MFHAS1: variants seen among roughly 807,000 people sequenced by gnomAD.
MFHAS1 encodes the protein multifunctional ROCO family signaling regulator 1.
Under a neutral mutation model 70.4 loss-of-function variants are expected in MFHAS1, and 50 were observed. That is an observed-to-expected ratio of 0.71 (90% CI 0.57 to 0.90). MFHAS1 has a LOEUF of 0.90. Among genes scored for constraint, MFHAS1 ranks in the 40% least tolerant of loss-of-function variants. The pLI is 0.00. For synonymous variants in MFHAS1, 952 were observed against 620.0 expected, an observed-to-expected ratio of 1.54 and a Z score of -7.96; for missense variants, 1,795 against 1,347.6, an observed-to-expected ratio of 1.33 and a Z score of -5.20.
intron 1 of MFHAS1, among the ~76,000 whole-genome samples, chr8:8,802,057 C>T (rs771043113): frequency 3.9e-4 from 59 of 152,110 alleles, no homozygotes; most frequent in Non-Finnish European, 7.6e-4. Context: ...TAAGTTAATC[C>T]AGGAAGAAGA....
intron 1 of MFHAS1, among the ~76,000 whole-genome samples, chr8:8,833,553 C>G (rs1356212087): frequency 1.3e-5 from 2 of 152,056 alleles, no homozygotes; most frequent in Admixed American, 1.3e-4. Context: ...TGCTTGAAAC[C>G]AGGAGTTCAA....
chr8:8,854,416 G>C (rs934690804), intron 1 of MFHAS1, among the ~76,000 whole-genome samples: 1 of 152,122 alleles, frequency 6.6e-6, no homozygotes, highest in Non-Finnish European at 1.5e-5. Context: ...AGCTACTCCG[G>C]AGGCTGAGGC....
At chr8:8,885,980 G>T in intron 1 of MFHAS1, among the ~76,000 whole-genome samples, 1 of 152,168 alleles carries the variant, frequency 6.6e-6, no homozygotes, top group Admixed American at 6.5e-5. Context: ...TGACATTTAG[G>T]CTTCATCATA....
intron 1 of MFHAS1, among the ~76,000 whole-genome samples, chr8:8,806,021 G>A (rs1563181959): frequency 6.6e-6 from 1 of 152,008 alleles, no homozygotes; most frequent in Non-Finnish European, 1.5e-5. Context: ...TGTTTGTTTT[G>A]TTTTGTTTTA....
chr8:8,834,974 T>G (rs528192324), intron 1 of MFHAS1, among the ~76,000 whole-genome samples: 1 of 152,266 alleles, frequency 6.6e-6, no homozygotes, highest in Admixed American at 6.5e-5. Context: ...CCCTTTTAAC[T>G]TTCAACACCA....
At chr8:8,882,881 G>A (rs532146938) in intron 1 of MFHAS1, among the ~76,000 whole-genome samples, 29 of 152,256 alleles carry the variant, frequency 1.9e-4, no homozygotes, top group African/African-American at 6.0e-4. Context: ...GGCTGGGTGC[G>A]GTGGCTCATG....
chr8:8,865,333 A>T (rs188638146), intron 1 of MFHAS1, among the ~76,000 whole-genome samples: 2 of 152,090 alleles, frequency 1.3e-5, no homozygotes, highest in Non-Finnish European at 2.9e-5. Flanking sequence ...ACAGGCTGAG[A>T]AATTATTTCC....
At chr8:8,818,976 CAT>C (rs770715887) in intron 1 of MFHAS1, among the ~76,000 whole-genome samples, 16 of 152,252 alleles carry the variant, frequency 1.1e-4, no homozygotes, top group East Asian at 3.9e-4. Flanking sequence ...GATATACTAA[CAT>C]GTGTCAAAGA....
intron 1 of MFHAS1, among the ~76,000 whole-genome samples, chr8:8,826,306 TCTC>T (rs374624974): frequency 1.3e-3 from 195 of 151,300 alleles, no homozygotes; most frequent in South Asian, 2.3e-3. Context: ...CAATATCCCT[TCTC>T]CTCTTCTTCC....
intron 1 of MFHAS1, among the ~76,000 whole-genome samples, chr8:8,868,141 G>T (rs1203340256): frequency 6.6e-6 from 1 of 151,998 alleles, no homozygotes; most frequent in East Asian, 1.9e-4. Context: ...CTCTGAGGGG[G>T]ATTCAGTTGA....
Position 8,783,840 on chromosome 8 carries a change from G to T in MFHAS1, c.*2182C>A, listed in dbSNP as rs893294681. On this transcript the variant is annotated 3_prime_UTR_variant, in exon 3 of 3. Transcript: ENST00000276282. ...AGTCCTGTAGAGCAGAGTGATTTTT[G>T]TATCTCCAACCCTCCTCCCAACTTG... is the stretch of plus-strand genomic sequence containing the variant. The T allele has an allele frequency of 6.6e-6, 1 of 152,056 alleles. No homozygotes were observed. The highest frequency in any genetic ancestry group is 1.5e-5 in the Non-Finnish European group (1 of 68,004). 9.4% of individuals were successfully genotyped at this position (152,056 alleles called of 1,614,324 possible).
chr8:8,818,074 A>G (rs1434872700), intron 1 of MFHAS1, among the ~76,000 whole-genome samples: 2 of 152,042 alleles, frequency 1.3e-5, no homozygotes, highest in Non-Finnish European at 2.9e-5. Flanking sequence ...AATCATGGCC[A>G]CCCATACGTC....
intron 2 of MFHAS1, among the ~76,000 whole-genome samples, chr8:8,792,982 T>C (rs1274988905): frequency 1.3e-5 from 2 of 152,170 alleles, no homozygotes; most frequent in Non-Finnish European, 2.9e-5. Context: ...AGCATGGAAA[T>C]GACTCACATT....
In MFHAS1 at chr8:8,891,408, A is replaced by T. The variant is rs370204052; in HGVS notation, c.1651T>A (p.Cys551Ser). 2.5e-6 allele frequency: 4 copies of T among 1,612,518 alleles called. No homozygotes were observed. Among genetic ancestry groups the T allele is most frequent in the Non-Finnish European group, 3.4e-6 (4 of 1,179,980 alleles). Residue 551 changes from cysteine to serine, a missense_variant, in exon 1 of 3, where the codon TGT (cysteine) becomes AGT (serine). Cys to Ser is a moderately radical substitution (Grantham distance 112). Coordinates refer to ENST00000276282, the MANE Select transcript of MFHAS1 (RefSeq NM_004225.3). The surrounding 1 kb of genome is among the most constrained non-coding windows in gnomAD (Gnocchi z 5.4). Reference sequence around the variant, plus strand: ...GCGATCTGGCGGTGAATGTCCAGACATTTCTCCTCCAGCTCACGCTCTCCG... The same window carrying T: ...GCGATCTGGCGGTGAATGTCCAGACTTTTCTCCTCCAGCTCACGCTCTCCG... ...LCGERELEEK[C>S]LDIHRQIALQ...
intron 1 of MFHAS1, among the ~76,000 whole-genome samples, chr8:8,797,725 A>G (rs1468669897): frequency 6.6e-6 from 1 of 152,172 alleles, no homozygotes; most frequent in Admixed American, 6.5e-5. Context: ...TATGGCAGGA[A>G]GGCCCACACT....
At position 8,787,411 on chromosome 8, in the gene MFHAS1, C is replaced by G. The variant is rs115926479; in HGVS notation, c.3126-1356G>C. Among the ~76,000 whole-genome samples, 471 of 152,156 alleles carry G rather than the reference C, an allele frequency of 3.1e-3. 2 individuals carry two copies. Among genetic ancestry groups the G allele is most frequent in the African/African-American group, 0.011 (445 of 41,518 alleles). On this transcript the variant is annotated intron_variant, in intron 2 of 2. Coordinates refer to ENST00000276282, the MANE Select transcript of MFHAS1 (RefSeq NM_004225.3). Reference sequence around the variant, plus strand: ...TCTTACTAGGAAGGGAACTAAGGTTCCAAAAGATGAAATAACTTCCCCAAG... The same window carrying G: ...TCTTACTAGGAAGGGAACTAAGGTTGCAAAAGATGAAATAACTTCCCCAAG...
intron 1 of MFHAS1, among the ~76,000 whole-genome samples, chr8:8,825,053 T>A (rs1010237253): frequency 2.0e-5 from 3 of 152,236 alleles, no homozygotes; most frequent in African/African-American, 4.8e-5. Context: ...CATGCTGTCC[T>A]AGAGATTCTG....
Position 8,891,685 on chromosome 8 carries a change from G to C in MFHAS1, c.1374C>G (p.Ile458Met). Residue 458 changes from isoleucine to methionine, a missense_variant, in exon 1 of 3, where the codon ATC (isoleucine) becomes ATG (methionine). Ile to Met is a conservative substitution (Grantham distance 10). Transcript: ENST00000276282. This position sits in a 1 kb window ranked among gnomAD's most constrained non-coding sequence, Gnocchi z 5.4. ...PPSPPPVSKGIEVTSWTADAS... is the reference protein window; with the variant it reads ...PPSPPPVSKGMEVTSWTADAS... Reference sequence around the variant, plus strand: ...CATCGGCCGTCCAGCTGGTCACCTCGATGCCCTTGCTCACAGGGGGAGGTG... The same window carrying C: ...CATCGGCCGTCCAGCTGGTCACCTCCATGCCCTTGCTCACAGGGGGAGGTG... 6.2e-7 allele frequency: 1 copy of C among 1,613,558 alleles called. No individual in the cohort carries two copies. The highest frequency in any genetic ancestry group is 2.2e-5 in the East Asian group (1 of 44,878).
At chr8:8,820,848 G>A (rs907243487) in intron 1 of MFHAS1, among the ~76,000 whole-genome samples, 24 of 152,300 alleles carry the variant, frequency 1.6e-4, no homozygotes, top group African/African-American at 5.8e-4. Flanking sequence ...CATTTGCATC[G>A]TGGAATTAAA....
Sources: allele counts gnomAD v4.1 joint callset (sites outside exome capture counted in the v4.1 genomes callset), GRCh38; gene constraint gnomAD v4.1.1; non-coding constraint Gnocchi (gnomAD v3.1); transcripts MANE v1.5; gene names NCBI Gene and HGNC (gene_info 2026-07-23, HGNC 2026-07-21).